SOX6: variants seen among roughly 807,000 people sequenced by gnomAD.
The protein encoded by SOX6 is transcription factor SOX-6.
A neutral mutation model predicts 97.8 loss-of-function variants in SOX6; 11 were observed. The observed-to-expected ratio is 0.11, with a 90% CI of 0.07 to 0.19. The LOEUF (loss-of-function observed/expected upper bound fraction) is 0.19, where lower values mean the gene tolerates loss of function less well. Among genes scored for constraint, SOX6 ranks in the 10% least tolerant of loss-of-function variants. The probability of loss-of-function intolerance (pLI) is 1.00; values close to 1 mark genes in which losing one functional copy is unlikely to be tolerated. For synonymous variants in SOX6, 360 were observed against 371.4 expected, an observed-to-expected ratio of 0.97 and a Z score of 0.35; for missense variants, 810 against 1,039.5, an observed-to-expected ratio of 0.78 and a Z score of 3.04.
At chr11:16,113,973 A>C (rs1335614526) in intron 6 of SOX6, among the ~76,000 whole-genome samples, 1 of 152,206 alleles carries the variant, frequency 6.6e-6, no homozygotes, top group Non-Finnish European at 1.5e-5. Flanking sequence ...AAATGCAAAG[A>C]AGAACTTTCT....
At chr11:16,085,681 C>A (rs576373660) in intron 9 of SOX6, among the ~76,000 whole-genome samples, 73 of 152,286 alleles carry the variant, frequency 4.8e-4, no homozygotes, top group Non-Finnish European at 1.5e-4. Flanking sequence ...ACATAGCATT[C>A]TTATCCAATA....
intron 4 of SOX6, among the ~76,000 whole-genome samples, chr11:16,519,791 A>T (rs1861030037): frequency 6.6e-6 from 1 of 152,128 alleles, no homozygotes; most frequent in Non-Finnish European, 1.5e-5. Flanking sequence ...ACTGTTTTCC[A>T]TAGAGGTTAA....
chr11:16,536,035 T>C (rs1230696650), intron 4 of SOX6, among the ~76,000 whole-genome samples: 2 of 152,214 alleles, frequency 1.3e-5, no homozygotes, highest in Non-Finnish European at 2.9e-5. Flanking sequence ...GCTAGGACAT[T>C]GTTATTTTAC....
chr11:16,097,581 T>G (rs764195444), intron 8 of SOX6, 28 bp downstream of exon 8: 1 of 1,600,768 alleles, frequency 6.2e-7, no homozygotes. Flanking sequence ...CTGGCTCATA[T>G]CCCACATTTT....
At chr11:16,490,849 C>T (rs1404942535) in intron 4 of SOX6, among the ~76,000 whole-genome samples, 1 of 151,906 alleles carries the variant, frequency 6.6e-6, no homozygotes, top group Non-Finnish European at 1.5e-5. Context: ...ACAAATTTGA[C>T]CTAATTGACA....
At chr11:16,178,603 T>A (rs1851259844) in intron 6 of SOX6, among the ~76,000 whole-genome samples, 1 of 151,972 alleles carries the variant, frequency 6.6e-6, no homozygotes. Flanking sequence ...AAGCTTTGTT[T>A]ATACCCCTCA....
intron 4 of SOX6, among the ~76,000 whole-genome samples, chr11:16,228,473 T>A (rs540495420): frequency 1.4e-4 from 22 of 152,134 alleles, no homozygotes; most frequent in Non-Finnish European, 2.2e-4. Flanking sequence ...ATTTTCTATT[T>A]AAGAATATTA....
chr11:16,696,299 T>C (rs1351433168), intron 3 of SOX6, among the ~76,000 whole-genome samples: 1 of 152,232 alleles, frequency 6.6e-6, no homozygotes, highest in Non-Finnish European at 1.5e-5. Flanking sequence ...ATTAGATATA[T>C]AACCTTGAAT....
intron 6 of SOX6, among the ~76,000 whole-genome samples, chr11:16,172,394 G>C (rs1430519101): frequency 6.6e-6 from 1 of 152,044 alleles, no homozygotes; most frequent in Non-Finnish European, 1.5e-5. Flanking sequence ...TGTGTTTGCT[G>C]TTCCCTGAAA....
intron 4 of SOX6, among the ~76,000 whole-genome samples, chr11:16,594,935 C>G (rs1288876088): frequency 6.6e-6 from 1 of 151,970 alleles, no homozygotes; most frequent in Non-Finnish European, 1.5e-5. Flanking sequence ...TTGTGATCCG[C>G]CCCCCTCGGC....
At chr11:16,393,058 A>T (rs1858233345) in intron 1 of SOX6, among the ~76,000 whole-genome samples, 1 of 152,088 alleles carries the variant, frequency 6.6e-6, no homozygotes, top group African/African-American at 2.4e-5. Flanking sequence ...TAACTGCTAC[A>T]AAATTATTTT....
At chr11:16,172,690 A>G (rs1262443927) in intron 6 of SOX6, among the ~76,000 whole-genome samples, 5 of 152,036 alleles carry the variant, frequency 3.3e-5, no homozygotes, top group African/African-American at 1.2e-4. Context: ...ATCTAGAATC[A>G]GAGGCCAGAG....
In SOX6 at chr11:16,463,556, T is replaced by C. The variant is rs181820534; in HGVS notation, c.-5+12759A>G. Among the ~76,000 whole-genome samples the C allele has an allele frequency of 6.1e-3, 930 of 152,300 alleles. 5 individuals carry two copies. The highest frequency in any genetic ancestry group is 0.01 in the Non-Finnish European group (706 of 68,020). On this transcript the variant is annotated intron_variant, in intron 1 of 15. Coordinates refer to the SOX6 transcript ENST00000396356. ...GGATTAAAAACAACATGTAAGTGCT[T>C]AGCACAATGTCTAGCACATACAGGT...
At chr11:16,250,206 A>G (rs1417242165) in intron 3 of SOX6, among the ~76,000 whole-genome samples, 1 of 152,138 alleles carries the variant, frequency 6.6e-6, no homozygotes, top group Non-Finnish European at 1.5e-5. Flanking sequence ...CATGCAAGAG[A>G]TCTATACTGT....
chr11:16,116,907 G>A (rs1849361599), intron 6 of SOX6, among the ~76,000 whole-genome samples: 1 of 152,186 alleles, frequency 6.6e-6, no homozygotes, highest in Non-Finnish European at 1.5e-5. Flanking sequence ...TCTAATGCTT[G>A]ATGATCTGTG....
At chr11:16,427,594 C>A (rs1244546069) in intron 1 of SOX6, among the ~76,000 whole-genome samples, 1 of 151,674 alleles carries the variant, frequency 6.6e-6, no homozygotes, top group Non-Finnish European at 1.5e-5. Context: ...GTTTTTTGTC[C>A]TTGCAATAGT....
In SOX6 at chr11:16,728,368, C is replaced by T. The variant is rs578060097; in HGVS notation, n.353+7971G>A. On this transcript the variant is annotated intron_variant and non_coding_transcript_variant, in intron 2 of 5. Transcript: ENST00000524520. ...TGGCAGGTGCCCCTCTGGGATGAAG[C>T]TTCCAGAGGAAGGATCAGGCAAAAG... 3.3e-5 allele frequency among the ~76,000 whole-genome samples: 5 copies of T among 152,288 alleles called. No individual in the cohort carries two copies. The South Asian group carries it at 1.0e-3, about 32-fold the overall frequency.
At position 15,982,520 on chromosome 11, in the gene SOX6, C is replaced by T. The variant is rs925120493; in HGVS notation, c.2183+3684G>A. On this transcript the variant is annotated intron_variant, in intron 15 of 15. Coordinates refer to ENST00000683767, the MANE Select transcript of SOX6 (RefSeq NM_001367873.1). ...CCACAGATAACAAAATCTGAGGATG[C>T]TCAAGTCCCTTTTATAAAGTGGTAT... Among the ~76,000 whole-genome samples, 7 of 152,008 alleles carry T rather than the reference C, an allele frequency of 4.6e-5. No individual in the cohort carries two copies. In the East Asian group the frequency reaches 7.7e-4, roughly 17 times the overall value.
intron 4 of SOX6, among the ~76,000 whole-genome samples, chr11:16,513,430 T>C (rs370279262): frequency 6.6e-6 from 1 of 151,942 alleles, no homozygotes; most frequent in Non-Finnish European, 1.5e-5. Context: ...GTCAGAAGTT[T>C]GAGACCAGCC....
Sources: allele counts gnomAD v4.1 joint callset (sites outside exome capture counted in the v4.1 genomes callset), GRCh38; gene constraint gnomAD v4.1.1; transcripts MANE v1.5; gene names NCBI Gene and HGNC (gene_info 2026-07-23, HGNC 2026-07-21).